Variants in ZPLD1 observed in about 807,000 individuals in gnomAD.
ZPLD1 encodes the protein zona pellucida like domain containing 1.
A neutral mutation model predicts 47.2 loss-of-function variants in ZPLD1; 34 were observed. The observed-to-expected ratio is 0.72, with a 90% CI of 0.55 to 0.96. The LOEUF (loss-of-function observed/expected upper bound fraction) is 0.96, where lower values mean the gene tolerates loss of function less well. Among genes scored for constraint, ZPLD1 ranks in the 40% least tolerant of loss-of-function variants. The pLI, the probability that ZPLD1 is intolerant of heterozygous loss-of-function variation, is 0.00. For synonymous variants in ZPLD1, 176 were observed against 186.2 expected (o/e 0.95, Z 0.45); for missense variants, 512 against 505.8 (o/e 1.01, Z -0.12).
intron 8 of ZPLD1, among the ~76,000 whole-genome samples, chr3:102,422,415 C>T (rs1163168598): frequency 5.9e-5 from 9 of 151,942 alleles, no homozygotes; most frequent in Non-Finnish European, 1.3e-4. Context: ...GTTATGGCAT[C>T]CTACAACAAA....
At chr3:102,456,063 C>T in intron 4 of ZPLD1, 130 bp from the exon 5 acceptor site, 2 of 655,396 alleles carry the variant, frequency 3.1e-6, no homozygotes, top group Non-Finnish European at 4.6e-6. Flanking sequence ...CTTGATATTT[C>T]AAAACCTTCT....
chr3:102,447,315 C>T (rs1013209958), intron 3 of ZPLD1, among the ~76,000 whole-genome samples: 3 of 152,182 alleles, frequency 2.0e-5, no homozygotes, highest in Non-Finnish European at 4.4e-5. Flanking sequence ...CCACCCACTT[C>T]GGCCTTCCTA....
In ZPLD1 at chr3:102,479,628, G is replaced by T. The variant is rs1288518649; in HGVS notation, c.*2010G>T. 1 of 152,042 alleles carries T rather than the reference G, an allele frequency of 6.6e-6. No individual in the cohort carries two copies. Among genetic ancestry groups the T allele is most frequent in the Non-Finnish European group, 1.5e-5 (1 of 67,996 alleles). 9.4% of individuals were successfully genotyped at this position (152,042 alleles called of 1,614,324 possible). A position where few individuals can be genotyped will look rare whatever the true frequency, so the allele number is the denominator to read the frequency against. ...TCAGAGTTATAATGAGATAAACCAG[G>T]TCTGTTTTTTACAACTTTGTTCTTA... On this transcript the variant is annotated 3_prime_UTR_variant, in exon 12 of 12. Coordinates refer to ENST00000466937, the MANE Select transcript of ZPLD1 (RefSeq NM_001329788.2).
intron 8 of ZPLD1, among the ~76,000 whole-genome samples, chr3:102,429,514 T>C (rs1016299079): frequency 6.6e-6 from 1 of 152,322 alleles, no homozygotes; most frequent in East Asian, 1.9e-4. Context: ...TATTATCTCC[T>C]TGGACTCTTT....
intron 7 of ZPLD1, among the ~76,000 whole-genome samples, chr3:102,394,865 G>A (rs1414962172): frequency 6.6e-6 from 1 of 152,124 alleles, no homozygotes; most frequent in Non-Finnish European, 1.5e-5. Flanking sequence ...TTGATTTGAA[G>A]AAGGCTTTTT....
At chr3:102,464,693 A>C (rs934768890) in intron 8 of ZPLD1, among the ~76,000 whole-genome samples, 1 of 152,226 alleles carries the variant, frequency 6.6e-6, no homozygotes, top group Non-Finnish European at 1.5e-5. Context: ...TTCATTTATC[A>C]GTATTTAGTA....
chr3:102,438,585 G>C lies in ZPLD1; in HGVS notation c.98G>C (p.Arg33Thr). Residue 33 changes from arginine to threonine, a missense_variant, in exon 3 of 12, where the codon AGA (arginine) becomes ACA (threonine). Transcript: ENST00000466937. ...GYNCDANLHS[R>T]FPAERDISVY... ...AACTGTGATGCCAACCTCCACAGTA[G>C]ATTTCCTGGTAAGTGTAAGCCTAAT... 7 of 1,612,052 alleles carry C rather than the reference G, an allele frequency of 4.3e-6. No individual in the cohort carries two copies. The highest frequency in any genetic ancestry group is 5.9e-6 in the Non-Finnish European group (7 of 1,178,154).
chr3:102,409,309 T>C (rs906003377), intron 7 of ZPLD1, among the ~76,000 whole-genome samples: 2 of 151,832 alleles, frequency 1.3e-5, no homozygotes, highest in African/African-American at 4.8e-5. Context: ...AGGACACTCC[T>C]TGTTCTCGAG....
chr3:102,408,213 A>T (rs1213765287), intron 7 of ZPLD1, among the ~76,000 whole-genome samples: 1 of 151,724 alleles, frequency 6.6e-6, no homozygotes, highest in Non-Finnish European at 1.5e-5. Context: ...AGCACAAAAA[A>T]CCTATTACCC....
chr3:102,426,459 AGTGAGCCAAGATTGTGCCACT>A (rs1228857500), intron 8 of ZPLD1, among the ~76,000 whole-genome samples: 1 of 151,822 alleles, frequency 6.6e-6, no homozygotes, highest in East Asian at 1.9e-4. Context: ...CAGAGGTTGC[AGTGAGCCAAGATTGTGCCACT>A]GCACTCCAGC....
chr3:102,459,305 A>C (rs1402349958), intron 6 of ZPLD1, among the ~76,000 whole-genome samples: 1 of 152,054 alleles, frequency 6.6e-6, no homozygotes, highest in Non-Finnish European at 1.5e-5. Flanking sequence ...AGTTGGATTT[A>C]ATATTATTTG....
rs1235800618 is a variant in ZPLD1 at position 102,478,289 on chromosome 3, AT to A, written c.*673del. 2 of 152,222 alleles carry A rather than the reference AT, an allele frequency of 1.3e-5. No homozygotes were observed. Among genetic ancestry groups the A allele is most frequent in the African/African-American group, 4.8e-5 (2 of 41,444 alleles). The allele number at this position is 152,222 out of a possible 1,614,324, so 9.4% of individuals were successfully genotyped here. ...GCTAAGTGGCCCTAGATCATTATTC[AT>A]TAGAATAGGAATGGCTGCGATCAGT... On this transcript the variant is annotated 3_prime_UTR_variant, in exon 12 of 12. Transcript: ENST00000466937.
intron 3 of ZPLD1, among the ~76,000 whole-genome samples, chr3:102,451,666 TC>T (rs1707338260): frequency 6.6e-6 from 1 of 152,188 alleles, no homozygotes; most frequent in Non-Finnish European, 1.5e-5. Flanking sequence ...CCATGCTCCC[TC>T]TGAAAGTCTG....
chr3:102,456,302 T>C lies in ZPLD1; in HGVS notation c.437T>C (p.Leu146Pro). The C allele has an allele frequency of 6.2e-7, 1 of 1,613,894 alleles. No individual in the cohort carries two copies. Among genetic ancestry groups the C allele is most frequent in the Non-Finnish European group, 8.5e-7 (1 of 1,179,856 alleles). Residue 146 changes from leucine to proline, a missense_variant, in exon 5 of 12, where the codon CTA becomes CCA. Leu to Pro is a moderately conservative substitution (Grantham distance 98). Coordinates refer to ENST00000466937, the MANE Select transcript of ZPLD1 (RefSeq NM_001329788.2). ...TPDPPTIISY[L>P]PGLLYKFSCS... ...GACCCACCAACAATCATCAGCTATC[T>C]ACCTGGGCTTCTTTACAAATTTAGT...
Position 102,462,358 on chromosome 3 carries a change from A to T in ZPLD1, c.660A>T (p.Gln220His), listed in dbSNP as rs550150433. ...AAACCAAAGTATTTGCAGCTGTCCA[A>T]GCCACTAATTTGGATGGCAGGTAAT... ...PLKTKVFAAV[Q>H]ATNLDGRWNV... The change falls in exon 7 of 12, where the codon CAA (glutamine) becomes CAT (histidine). Residue 220 changes from glutamine (Q) to histidine (H), a missense_variant. Gln to His is a conservative substitution (Grantham distance 24). Coordinates refer to ENST00000466937, the MANE Select transcript of ZPLD1 (RefSeq NM_001329788.2). 1 of 1,609,896 alleles carries T rather than the reference A, an allele frequency of 6.2e-7. No individual in the cohort carries two copies. Among genetic ancestry groups the T allele is most frequent in the Admixed American group, 1.7e-5 (1 of 59,416 alleles).
rs1049801555 is a variant in ZPLD1 at position 102,417,262 on chromosome 3, A to G, written c.-156-798A>G. On this transcript the variant is annotated intron_variant, in intron 7 of 17. Transcript: ENST00000491959. The stretch of plus-strand genomic sequence containing the variant: ...ATATAAATCAATACAAAAGGCTTCA[A>G]TCTTCCACACAGTTATCCCTAAGCA... Among the ~76,000 whole-genome samples, 5 of 152,162 alleles carry G rather than the reference A, an allele frequency of 3.3e-5. No individual in the cohort carries two copies. The East Asian group carries it at 9.7e-4, about 30-fold the overall frequency.
chr3:102,444,034 T>C (rs1707219053), intron 3 of ZPLD1, among the ~76,000 whole-genome samples: 1 of 152,244 alleles, frequency 6.6e-6, no homozygotes, highest in Non-Finnish European at 1.5e-5. Context: ...AATGATAAAG[T>C]GCAGTGGAGA....
intron 11 of ZPLD1, 105 bp downstream of exon 11, chr3:102,477,146 C>A: frequency 1.5e-6 from 2 of 1,293,068 alleles, no homozygotes; most frequent in Non-Finnish European, 2.2e-6. Context: ...AAGTTTGGTC[C>A]ATTTTAGATA....
chr3:102,425,024 T>A (rs1210347436), intron 8 of ZPLD1, among the ~76,000 whole-genome samples: 1 of 152,140 alleles, frequency 6.6e-6, no homozygotes, highest in African/African-American at 2.4e-5. Context: ...TTCCATTACT[T>A]TGATTTCTTT....
Sources: allele counts gnomAD v4.1 joint callset (sites outside exome capture counted in the v4.1 genomes callset), GRCh38; gene constraint gnomAD v4.1.1; transcripts MANE v1.5; gene names NCBI Gene and HGNC (gene_info 2026-07-23, HGNC 2026-07-21).